The following SOAT1 variants were observed in gnomAD, a reference collection of about 807,000 sequenced individuals.
SOAT1 encodes the protein sterol O-acyltransferase 1.
In SOAT1, 55 loss-of-function variants were observed where a neutral mutation model predicts 69.5. That is an observed-to-expected ratio of 0.79 (90% CI 0.64 to 0.99). The LOEUF (loss-of-function observed/expected upper bound fraction) is 0.99, where lower values mean the gene tolerates loss of function less well. Among genes scored for constraint, SOAT1 ranks in the 50% least tolerant of loss-of-function variants. The probability of loss-of-function intolerance (pLI) is 0.00; values close to 1 mark genes in which losing one functional copy is unlikely to be tolerated. For synonymous variants in SOAT1, 231 were observed against 224.7 expected (o/e 1.03, Z -0.25); for missense variants, 580 against 669.3 (o/e 0.87, Z 1.47).
rs762911049 is a variant in SOAT1 at position 179,344,352 on chromosome 1, G to GTTTTTTTTTTTTTTTTTTTTTTTTTTT, written c.988-595_988-594insTTTTTTTTTTTTTTTTTTTTTTTTTTT. On this transcript the variant is annotated intron_variant, in intron 10 of 15. Transcript: ENST00000367619. ...TATGAAGTAAGTTCTTTCATTAAGG[G>GTTTTTTTTTTTTTTTTTTTTTTTTTTT]GTTTTTTTTTTTTTTTTTTTTTTTT... Among the ~76,000 whole-genome samples, 2 of 120,524 alleles carry GTTTTTTTTTTTTTTTTTTTTTTTTTTT rather than the reference G, an allele frequency of 1.7e-5. 1 individual carries two copies. The highest frequency in any genetic ancestry group is 3.5e-5 in the Non-Finnish European group (2 of 57,132). 79.1% of individuals were successfully genotyped at this position (120,524 alleles called of 152,430 possible).
At chr1:179,326,934 T>C (rs533946830) in intron 3 of SOAT1, among the ~76,000 whole-genome samples, 1 of 152,284 alleles carries the variant, frequency 6.6e-6, no homozygotes, top group South Asian at 2.1e-4. Flanking sequence ...ATATAGAGTT[T>C]AGAGACAGTG....
chr1:179,350,567 G>T, intron 14 of SOAT1, 136 bp downstream of exon 14: 1 of 753,262 alleles, frequency 1.3e-6, no homozygotes, highest in Non-Finnish European at 2.1e-6. Context: ...TTTATCAGAT[G>T]GTCAGAATAT....
In SOAT1 at chr1:179,302,818, T is replaced by A. The variant is rs1664878584; in HGVS notation, c.118+16T>A. Reference sequence around the variant, plus strand: ...CCTAGTAATGGTGAGGCTTAATTTTTTTTTTTTAGGTGAATTAGTGAAATA... The same window carrying A: ...CCTAGTAATGGTGAGGCTTAATTTTATTTTTTTAGGTGAATTAGTGAAATA... On this transcript the variant is annotated intron_variant, in intron 2 of 15. Transcript: ENST00000367619. The A allele has an allele frequency of 1.4e-6, 2 of 1,464,546 alleles. No individual in the cohort carries two copies. Among genetic ancestry groups the A allele is most frequent in the Non-Finnish European group, 1.9e-6 (2 of 1,080,112 alleles). 90.7% of individuals were successfully genotyped at this position (1,464,546 alleles called of 1,614,324 possible).
At chr1:179,346,772 T>A (rs1210223947) in intron 11 of SOAT1, among the ~76,000 whole-genome samples, 1 of 152,112 alleles carries the variant, frequency 6.6e-6, no homozygotes, top group African/African-American at 2.4e-5. Flanking sequence ...CCACTCCCTC[T>A]CCTCCAATTG....
chr1:179,316,989 T>C (rs1010516268), intron 2 of SOAT1, among the ~76,000 whole-genome samples: 3 of 152,156 alleles, frequency 2.0e-5, no homozygotes, highest in African/African-American at 7.2e-5. Context: ...GTTTACAATA[T>C]ATTAAGTGAA....
At chr1:179,322,749 C>T (rs1665646437) in intron 2 of SOAT1, among the ~76,000 whole-genome samples, 1 of 152,172 alleles carries the variant, frequency 6.6e-6, no homozygotes, top group Admixed American at 6.6e-5. Flanking sequence ...CAAATTTTCC[C>T]TCTCTGCACA....
intron 2 of SOAT1, among the ~76,000 whole-genome samples, chr1:179,322,760 G>A (rs1174207105): frequency 6.6e-6 from 1 of 152,140 alleles, no homozygotes; most frequent in Non-Finnish European, 1.5e-5. Flanking sequence ...TCTCTGCACA[G>A]CATCAAGTAG....
chr1:179,315,397 C>T (rs1271086776), intron 2 of SOAT1, among the ~76,000 whole-genome samples: 1 of 151,398 alleles, frequency 6.6e-6, no homozygotes, highest in African/African-American at 2.4e-5. Flanking sequence ...CTAGGAGTTC[C>T]AGGCCACAGT....
At chr1:179,327,385 G>A (rs529535099) in intron 3 of SOAT1, among the ~76,000 whole-genome samples, 1 of 152,226 alleles carries the variant, frequency 6.6e-6, no homozygotes, top group South Asian at 2.1e-4. Flanking sequence ...CATTGCACTA[G>A]TTGTCTCCAA....
At chr1:179,303,974 T>C (rs1436478889) in intron 2 of SOAT1, among the ~76,000 whole-genome samples, 1 of 152,220 alleles carries the variant, frequency 6.6e-6, no homozygotes, top group African/African-American at 2.4e-5. Context: ...TCCCAAGTTT[T>C]TAAAAAGATT....
intron 1 of SOAT1, among the ~76,000 whole-genome samples, chr1:179,300,160 T>C (rs1664787892): frequency 1.3e-5 from 2 of 151,932 alleles, no homozygotes; most frequent in Admixed American, 1.3e-4. Flanking sequence ...AAAAAGTCTC[T>C]GTTCATCTGG....
chr1:179,302,793 C>A lies in SOAT1; in HGVS notation c.109C>A (p.Pro37Thr). Residue 37 changes from proline (P) to threonine (T), a missense_variant, in exon 2 of 16, where the codon CCT becomes ACT. Pro to Thr is a conservative substitution (Grantham distance 38, BLOSUM62 -1). Coordinates refer to ENST00000367619, the MANE Select transcript of SOAT1 (RefSeq NM_003101.6). ...RNPAKESLET[P>T]SNGRIDIKQL... is the part of the protein sequence containing the mutation. ...CCCTGCAAAGGAGTCCCTAGAGACA[C>A]CTAGTAATGGTGAGGCTTAATTTTT... is the stretch of plus-strand genomic sequence containing the variant. 1 of 1,566,298 alleles carries A rather than the reference C, an allele frequency of 6.4e-7. No homozygotes were observed. Among genetic ancestry groups the A allele is most frequent in the Non-Finnish European group, 8.6e-7 (1 of 1,161,832 alleles).
intron 1 of SOAT1, among the ~76,000 whole-genome samples, chr1:179,301,478 C>T (rs930131640): frequency 2.6e-5 from 4 of 152,092 alleles, no homozygotes; most frequent in African/African-American, 7.2e-5. Context: ...CAGTTCCAAT[C>T]GGGCTCTGTC....
intron 2 of SOAT1, among the ~76,000 whole-genome samples, chr1:179,309,044 T>C (rs751514104): frequency 5.3e-5 from 8 of 152,130 alleles, no homozygotes; most frequent in Admixed American, 2.6e-4. Context: ...GAGAGCATCA[T>C]TGAAACAGCA....
At position 179,301,538 on chromosome 1, in the gene SOAT1, C is replaced by T. The variant is rs577844577; in HGVS notation, c.-8-1139C>T. Reference sequence around the variant, plus strand: ...TTACTGTAATGAGAAGAAAAGCAGACTCTAGTACCTGGGGCTGTGGTGTGC... The same window carrying T: ...TTACTGTAATGAGAAGAAAAGCAGATTCTAGTACCTGGGGCTGTGGTGTGC... On this transcript the variant is annotated intron_variant, in intron 1 of 15. Coordinates refer to ENST00000367619, the MANE Select transcript of SOAT1 (RefSeq NM_003101.6). Among the ~76,000 whole-genome samples, 25 of 152,270 alleles carry T rather than the reference C, an allele frequency of 1.6e-4. No individual in the cohort carries two copies. In the South Asian group the frequency reaches 2.5e-3, roughly 15 times the overall value.
chr1:179,336,827 T>C (rs1571442332), intron 4 of SOAT1, among the ~76,000 whole-genome samples: 1 of 152,068 alleles, frequency 6.6e-6, no homozygotes, highest in South Asian at 2.1e-4. Flanking sequence ...AAACCCCGTC[T>C]CTACTAAAAA....
intron 3 of SOAT1, among the ~76,000 whole-genome samples, chr1:179,332,759 T>G (rs1202150183): frequency 6.6e-6 from 1 of 152,256 alleles, no homozygotes; most frequent in African/African-American, 2.4e-5. Context: ...GAGTTCTAAT[T>G]AACAAGTTTC....
intron 2 of SOAT1, among the ~76,000 whole-genome samples, chr1:179,308,532 C>T (rs547714393): frequency 6.6e-6 from 1 of 151,736 alleles, no homozygotes; most frequent in Admixed American, 6.6e-5. Flanking sequence ...ATCAGCTGGG[C>T]GTGGTGGTGG....
chr1:179,336,148 T>A (rs1334169582), intron 4 of SOAT1, among the ~76,000 whole-genome samples: 3 of 118,150 alleles, frequency 2.5e-5, no homozygotes, highest in South Asian at 3.0e-4. Flanking sequence ...AGAGACTCTG[T>A]CTCCAAAAAA....
Sources: gnomAD v4.1 joint callset for allele counts (sites outside exome capture counted in the v4.1 genomes callset) on GRCh38, gnomAD v4.1.1 for gene constraint, MANE v1.5 for transcripts, NCBI Gene and HGNC (gene_info 2026-07-23, HGNC 2026-07-21) for gene names.